Variants in GRM7 observed in about 807,000 individuals in gnomAD.
GRM7 encodes glutamate metabotropic receptor 7, also known as metabotropic glutamate receptor 7.
In GRM7, 35 loss-of-function variants were observed where a neutral mutation model predicts 84.5. That is an observed-to-expected ratio of 0.41 (90% CI 0.32 to 0.55). GRM7 has a LOEUF of 0.55. GRM7 is among the 20% of genes least tolerant of loss of function. The pLI is 0.19. For missense variants in GRM7, 1,003 were observed against 1,194.6 expected (o/e 0.84, Z 2.36); for synonymous variants, 487 against 455.1 (o/e 1.07, Z -0.89).
At chr3:7,420,473 CA>C (rs1335983991) in intron 5 of GRM7, among the ~76,000 whole-genome samples, 1 of 152,138 alleles carries the variant, frequency 6.6e-6, no homozygotes, top group Non-Finnish European at 1.5e-5. Context: ...GAAGCAATGT[CA>C]AATGCATTTT....
At chr3:7,588,218 G>A (rs1695612347) in intron 8 of GRM7, among the ~76,000 whole-genome samples, 1 of 152,136 alleles carries the variant, frequency 6.6e-6, no homozygotes, top group African/African-American at 2.4e-5. Context: ...TGAGTATAAT[G>A]GATCTCTGGC....
chr3:7,123,463 AC>A (rs1210257635), intron 1 of GRM7, among the ~76,000 whole-genome samples: 10 of 152,186 alleles, frequency 6.6e-5, no homozygotes, highest in African/African-American at 2.4e-4. Context: ...TACTAAAAAT[AC>A]AAAAATTAGA....
At chr3:7,231,689 T>C (rs1256845500) in intron 2 of GRM7, among the ~76,000 whole-genome samples, 2 of 152,108 alleles carry the variant, frequency 1.3e-5, no homozygotes, top group African/African-American at 4.8e-5. Flanking sequence ...AACATCTCTA[T>C]GAGATAGATA....
intron 1 of GRM7, among the ~76,000 whole-genome samples, chr3:7,062,453 A>G (rs1414185939): frequency 6.6e-6 from 1 of 151,782 alleles, no homozygotes; most frequent in Non-Finnish European, 1.5e-5. Flanking sequence ...TATGAAAAAT[A>G]TAGCACCTAA....
At chr3:7,247,653 A>G (rs1437144816) in intron 2 of GRM7, among the ~76,000 whole-genome samples, 1 of 151,298 alleles carries the variant, frequency 6.6e-6, no homozygotes, top group Non-Finnish European at 1.5e-5. Context: ...ATAGTAAAAA[A>G]AAAACTTTGC....
rs900500823 is a variant in GRM7 at position 6,895,261 on chromosome 3, C to G, written c.519+33354C>G. On this transcript the variant is annotated intron_variant, in intron 1 of 9. Transcript: ENST00000357716. ...AGTGTCGCCTCAGTGGATCCCTTCCCCCAAAATGCCAATATGTTTTTGCCA... is the reference window on the plus strand; with the variant it reads ...AGTGTCGCCTCAGTGGATCCCTTCCGCCAAAATGCCAATATGTTTTTGCCA... Among the ~76,000 whole-genome samples, 124 of 152,096 alleles carry G rather than the reference C, an allele frequency of 8.2e-4. 1 individual carries two copies. Among genetic ancestry groups the G allele is most frequent in the Non-Finnish European group, 6.0e-4 (41 of 68,008 alleles).
In GRM7 at chr3:6,901,677, T is replaced by G. The variant is rs370033480; in HGVS notation, c.519+39770T>G. ...TGAAGAGAGAAATCTTTTCATTTTT[T>G]TCTTTGTTTTGTTTTGATTTGTAAT... On this transcript the variant is annotated intron_variant, in intron 1 of 9. Coordinates refer to ENST00000357716, the MANE Select transcript of GRM7 (RefSeq NM_000844.4). 4.2e-4 allele frequency among the ~76,000 whole-genome samples: 64 copies of G among 151,216 alleles called. No individual in the cohort carries two copies. In the East Asian group the frequency reaches 0.011, roughly 27 times the overall value.
intron 1 of GRM7, among the ~76,000 whole-genome samples, chr3:7,066,048 T>A (rs1294954139): frequency 1.3e-5 from 2 of 151,798 alleles, no homozygotes; most frequent in Non-Finnish European, 2.9e-5. Flanking sequence ...GGAAAGTTCA[T>A]AGCCCTAAAC....
intron 4 of GRM7, among the ~76,000 whole-genome samples, chr3:7,332,058 G>T (rs116044179): frequency 0.014 from 2,118 of 152,202 alleles, 43 homozygotes; most frequent in African/African-American, 0.048. Flanking sequence ...TATACAAGAG[G>T]AATTTTCCTT....
intron 1 of GRM7, among the ~76,000 whole-genome samples, chr3:6,951,924 C>A (rs771268471): frequency 4.6e-5 from 7 of 151,902 alleles, no homozygotes; most frequent in Non-Finnish European, 7.4e-5. Context: ...ATAAATTGTC[C>A]CCTTTATCAT....
chr3:6,969,474 G>A (rs987737638), intron 1 of GRM7, among the ~76,000 whole-genome samples: 4 of 152,152 alleles, frequency 2.6e-5, no homozygotes, highest in African/African-American at 7.2e-5. Context: ...AAATAGATTT[G>A]AATCCAACTC....
At chr3:6,930,526 T>C (rs1399984485) in intron 1 of GRM7, among the ~76,000 whole-genome samples, 1 of 152,218 alleles carries the variant, frequency 6.6e-6, no homozygotes, top group Non-Finnish European at 1.5e-5. Context: ...GTGTTTGATT[T>C]TTTTAATCTT....
At chr3:7,382,151 C>A (rs1694617434) in intron 4 of GRM7, among the ~76,000 whole-genome samples, 1 of 152,138 alleles carries the variant, frequency 6.6e-6, no homozygotes, top group Middle Eastern at 3.4e-3. Context: ...TACCTTATGG[C>A]TTTTTTATTG....
chr3:7,341,648 T>G (rs1317217898), intron 4 of GRM7, among the ~76,000 whole-genome samples: 1 of 152,156 alleles, frequency 6.6e-6, no homozygotes, highest in Non-Finnish European at 1.5e-5. Flanking sequence ...TTTGTCTTTT[T>G]AAACTGTTTT....
intron 2 of GRM7, among the ~76,000 whole-genome samples, chr3:7,277,717 G>A (rs1194924699): frequency 6.6e-6 from 1 of 151,698 alleles, no homozygotes; most frequent in Non-Finnish European, 1.5e-5. Context: ...TTTTTGCATT[G>A]TCTGTATTTG....
At chr3:7,526,183 C>T (rs549021696) in intron 7 of GRM7, among the ~76,000 whole-genome samples, 3 of 152,158 alleles carry the variant, frequency 2.0e-5, no homozygotes, top group African/African-American at 7.2e-5. Flanking sequence ...TCCCTTTTCT[C>T]TGCAATCTTG....
At chr3:7,155,440 A>C (rs556232723) in intron 2 of GRM7, among the ~76,000 whole-genome samples, 4 of 152,212 alleles carry the variant, frequency 2.6e-5, no homozygotes, top group Admixed American at 2.6e-4. Context: ...CCCACACACA[A>C]GAAATGTAGT....
chr3:7,399,230 T>G (rs563194381), intron 4 of GRM7, among the ~76,000 whole-genome samples: 1 of 151,926 alleles, frequency 6.6e-6, no homozygotes, highest in South Asian at 2.1e-4. Context: ...CCTCAACATT[T>G]TCTGGAATCC....
chr3:7,262,437 T>C (rs963226767), intron 2 of GRM7, among the ~76,000 whole-genome samples: 2 of 152,212 alleles, frequency 1.3e-5, no homozygotes, highest in African/African-American at 4.8e-5. Context: ...CAGTGTGTTT[T>C]TCAGCTCTAT....
Sources: allele counts gnomAD v4.1 joint callset (sites outside exome capture counted in the v4.1 genomes callset), GRCh38; gene constraint gnomAD v4.1.1; transcripts MANE v1.5; gene names NCBI Gene and HGNC (gene_info 2026-07-23, HGNC 2026-07-21).